NPFFR1: variants seen among roughly 807,000 people sequenced by gnomAD.
The protein encoded by NPFFR1 is G-protein coupled receptor 147.
Under a neutral mutation model 12.7 loss-of-function variants are expected in NPFFR1, and 17 were observed. That is an observed-to-expected ratio of 1.34 (90% CI 0.92 to 2.01). The LOEUF is 2.01. NPFFR1 is among the 30% of genes most tolerant of loss of function. The pLI is 0.00. For synonymous variants in NPFFR1, 296 were observed against 264.5 expected, an observed-to-expected ratio of 1.12 and a Z score of -1.16; for missense variants, 604 against 606.5, an observed-to-expected ratio of 1.00 and a Z score of 0.04.
Position 70,254,044 on chromosome 10 carries a change from C to T in NPFFR1, c.*913G>A, listed in dbSNP as rs1443447698. 1 of 152,232 alleles carries T rather than the reference C, an allele frequency of 6.6e-6. No homozygotes were observed. Among genetic ancestry groups the T allele is most frequent in the Non-Finnish European group, 1.5e-5 (1 of 68,050 alleles). 9.4% of individuals were successfully genotyped at this position (152,232 alleles called of 1,614,324 possible). On this transcript the variant is annotated 3_prime_UTR_variant, in exon 4 of 4. Transcript: ENST00000277942. ...GAGAGACCTTGGGCAAGGCTTTGTA[C>T]CTGCAGCCCCAGTGAGCAGATGTGT...
chr10:70,257,471 A>G (rs140102352), intron 3 of NPFFR1, among the ~76,000 whole-genome samples: 9,472 of 152,328 alleles, frequency 0.062, 440 homozygotes, highest in African/African-American at 0.12. Flanking sequence ...GGTAAAAGTC[A>G]TCGCCATTCT....
intron 2 of NPFFR1, among the ~76,000 whole-genome samples, chr10:70,261,212 G>A (rs1402669970): frequency 1.3e-5 from 2 of 152,174 alleles, no homozygotes; most frequent in Middle Eastern, 3.4e-3. Context: ...TGGTGAGTAA[G>A]TTCTCATCAC....
chr10:70,255,788 G>T lies in NPFFR1; in HGVS notation c.462C>A (p.Thr154=), dbSNP rs1404182238. The T allele has an allele frequency of 2.5e-6, 4 of 1,611,260 alleles. No individual in the cohort carries two copies. Among genetic ancestry groups the T allele is most frequent in the Non-Finnish European group, 3.4e-6 (4 of 1,178,946 alleles). The change falls in exon 4 of 4, where the codon ACC becomes ACA. Residue 154 remains threonine (T), a synonymous_variant. Coordinates refer to ENST00000277942, the MANE Select transcript of NPFFR1 (RefSeq NM_022146.5). This position sits in a 1 kb window ranked among gnomAD's most constrained non-coding sequence, Gnocchi z 4.2. Reference sequence around the variant, plus strand: ...CGATGGTGACGAGCGCCTTCCGCAGGGTCAGCTTCTCGCGGAAAGGGTGCA... The same window carrying T: ...CGATGGTGACGAGCGCCTTCCGCAGTGTCAGCTTCTCGCGGAAAGGGTGCA... ...CIVHPFREKL[T]LRKALVTIAV...
Position 70,283,764 on chromosome 10 carries a change from G to C in NPFFR1, c.-88C>G. On this transcript the variant is annotated 5_prime_UTR_variant, in exon 1 of 4. Transcript: ENST00000277942. ...CAGCGGGCAGAGGGACGGTCTCCGGGCACTTGGTTGCGGGCTGCGCCCCTG... is the reference window on the plus strand; with the variant it reads ...CAGCGGGCAGAGGGACGGTCTCCGGCCACTTGGTTGCGGGCTGCGCCCCTG... 1.4e-6 allele frequency: 2 copies of C among 1,442,448 alleles called. No homozygotes were observed. Among genetic ancestry groups the C allele is most frequent in the Non-Finnish European group, 1.9e-6 (2 of 1,064,552 alleles). 89.4% of individuals were successfully genotyped at this position (1,442,448 alleles called of 1,614,324 possible).
chr10:70,268,416 C>T (rs544213500), intron 1 of NPFFR1, among the ~76,000 whole-genome samples: 7 of 152,180 alleles, frequency 4.6e-5, no homozygotes, highest in African/African-American at 1.7e-4. Context: ...GAGTGTGGAT[C>T]GGAGCAAGAT....
rs540107376 is a variant in NPFFR1, at chr10:70,277,443, G to A, written c.7+6227C>T. Among the ~76,000 whole-genome samples, 3 of 152,292 alleles carry A rather than the reference G, an allele frequency of 2.0e-5. No individual in the cohort carries two copies. In the East Asian group the frequency reaches 5.8e-4, roughly 29 times the overall value. On this transcript the variant is annotated intron_variant, in intron 1 of 3. Coordinates refer to ENST00000277942, the MANE Select transcript of NPFFR1 (RefSeq NM_022146.5). ...CCCCAGGATGATGATATGCTTTGTG[G>A]AAAAGGACAGGGCACAGAGACTCTG...
chr10:70,277,470 C>T (rs1840815688), intron 1 of NPFFR1, among the ~76,000 whole-genome samples: 1 of 152,194 alleles, frequency 6.6e-6, no homozygotes, highest in South Asian at 2.1e-4. Context: ...GAGACTCTGG[C>T]AGGAGCATTT....
chr10:70,273,821 G>T (rs1589915416), intron 1 of NPFFR1, among the ~76,000 whole-genome samples: 1 of 152,138 alleles, frequency 6.6e-6, no homozygotes, highest in East Asian at 1.9e-4. Flanking sequence ...CGTTTCTGTT[G>T]CTTATAACCC....
intron 3 of NPFFR1, 36 bp downstream of exon 3, chr10:70,260,604 T>C (rs1234432466): frequency 6.4e-7 from 1 of 1,555,650 alleles, no homozygotes; most frequent in Admixed American, 1.9e-5. Context: ...CAGGCCCTAG[T>C]TGGCTCAGGC....
At chr10:70,257,723 C>T (rs868242712) in intron 3 of NPFFR1, among the ~76,000 whole-genome samples, 4 of 152,202 alleles carry the variant, frequency 2.6e-5, no homozygotes, top group Non-Finnish European at 4.4e-5. Context: ...CTCCTGCCTG[C>T]CCCTGGGAAC....
chr10:70,248,498 T>G lies in NPFFR1; in HGVS notation c.*6459A>C, dbSNP rs568447587. 2 of 142,514 alleles carry G rather than the reference T, an allele frequency of 1.4e-5. No individual in the cohort carries two copies. The highest frequency in any genetic ancestry group is 5.2e-5 in the African/African-American group (2 of 38,122). The allele number at this position is 142,514 out of a possible 1,614,324, so 8.8% of individuals were successfully genotyped here. A position where few individuals can be genotyped will look rare whatever the true frequency, so the allele number is the denominator to read the frequency against. On this transcript the variant is annotated 3_prime_UTR_variant, in exon 4 of 4. Transcript: ENST00000277942. ...TTTTTGTTTTTTGTTTTTTTTTTTT[T>G]TTTTTGAGATGGAGTCTCACTCTGT...
chr10:70,277,467 T>C (rs1356398668), intron 1 of NPFFR1, among the ~76,000 whole-genome samples: 1 of 152,214 alleles, frequency 6.6e-6, no homozygotes, highest in East Asian at 1.9e-4. Flanking sequence ...ACAGAGACTC[T>C]GGCAGGAGCA....
chr10:70,272,211 G>GAAAGAAAGGAA (rs10664195), intron 1 of NPFFR1, among the ~76,000 whole-genome samples: 1 of 55,822 alleles, frequency 1.8e-5, no homozygotes, highest in African/African-American at 7.9e-5. Flanking sequence ...AAGAAAGAAA[G>GAAAGAAAGGAA]GAAAGAAAGA....
At chr10:70,279,924 C>T (rs180724556) in intron 1 of NPFFR1, among the ~76,000 whole-genome samples, 1 of 152,354 alleles carries the variant, frequency 6.6e-6, no homozygotes, top group East Asian at 1.9e-4. Flanking sequence ...ACTCTACTCT[C>T]TGGTTCTATG....
intron 3 of NPFFR1, among the ~76,000 whole-genome samples, chr10:70,258,000 A>C (rs1840592266): frequency 6.6e-6 from 1 of 152,028 alleles, no homozygotes; most frequent in Non-Finnish European, 1.5e-5. Context: ...CTGCCCTCCT[A>C]CTACATTCCT....
intron 2 of NPFFR1, among the ~76,000 whole-genome samples, chr10:70,262,399 C>T (rs1385087395): frequency 6.6e-6 from 1 of 152,162 alleles, no homozygotes; most frequent in Non-Finnish European, 1.5e-5. Context: ...AGTATTTTGA[C>T]TGTATACTAT....
chr10:70,283,699 G>T lies in NPFFR1; in HGVS notation c.-23C>A. On this transcript the variant is annotated 5_prime_UTR_variant, in exon 1 of 4. Coordinates refer to ENST00000277942, the MANE Select transcript of NPFFR1 (RefSeq NM_022146.5). Reference sequence around the variant, plus strand: ...CATGATGCCCCCAGTTGCGGGCTCCGGCGGTCTCCGATGGCGGGAGGCAGC... The same window carrying T: ...CATGATGCCCCCAGTTGCGGGCTCCTGCGGTCTCCGATGGCGGGAGGCAGC... 1 of 1,535,040 alleles carries T rather than the reference G, an allele frequency of 6.5e-7. No individual in the cohort carries two copies. Among genetic ancestry groups the T allele is most frequent in the South Asian group, 1.2e-5 (1 of 84,008 alleles).
At chr10:70,258,375 TAAAAACC>T (rs1840598174) in intron 3 of NPFFR1, among the ~76,000 whole-genome samples, 3 of 150,336 alleles carry the variant, frequency 2.0e-5, no homozygotes, top group Admixed American at 6.6e-5. Flanking sequence ...TAGGGGGAGG[TAAAAACC>T]TCCCCCTGCA....
intron 1 of NPFFR1, among the ~76,000 whole-genome samples, chr10:70,273,575 G>A (rs139537136): frequency 8.2e-4 from 125 of 152,262 alleles, no homozygotes; most frequent in Admixed American, 1.4e-3. Context: ...GCATCCATGA[G>A]CCCTTCTTTC....
Sources: gnomAD v4.1 joint callset for allele counts (sites outside exome capture counted in the v4.1 genomes callset) on GRCh38, gnomAD v4.1.1 for gene constraint, Gnocchi (gnomAD v3.1) non-coding constraint, MANE v1.5 for transcripts, NCBI Gene and HGNC (gene_info 2026-07-23, HGNC 2026-07-21) for gene names.